Variants in SLC30A7 observed in about 807,000 individuals in gnomAD.
The protein encoded by SLC30A7 is solute carrier family 30 member 7.
Under a neutral mutation model 46.0 loss-of-function variants are expected in SLC30A7, and 35 were observed. The ratio of observed to expected loss-of-function variants is 0.76; its 90% CI spans 0.58 to 1.01. SLC30A7 has a LOEUF of 1.01. Among genes scored for constraint, SLC30A7 ranks in the 50% least tolerant of loss-of-function variants. SLC30A7 has a pLI of 0.00. For missense variants in SLC30A7, 464 were observed against 451.1 expected (o/e 1.03, Z -0.26); for synonymous variants, 147 against 157.8 (o/e 0.93, Z 0.51).
chr1:100,912,890 A>G (rs947305073), intron 5 of SLC30A7, among the ~76,000 whole-genome samples: 1 of 150,984 alleles, frequency 6.6e-6, no homozygotes, highest in Non-Finnish European at 1.5e-5. Flanking sequence ...AAAAAAAAAA[A>G]GTGTGTGTGT....
At chr1:100,970,819 AC>A (rs1370979478) in intron 10 of SLC30A7, among the ~76,000 whole-genome samples, 2 of 152,018 alleles carry the variant, frequency 1.3e-5, no homozygotes, top group African/African-American at 4.8e-5. Flanking sequence ...ATTTTAATAT[AC>A]CTTTTTTGTT....
the SLC30A7 span, among the ~76,000 whole-genome samples, chr1:100,994,018 A>C: frequency 6.6e-6 from 1 of 152,112 alleles, no homozygotes; most frequent in Non-Finnish European, 1.5e-5. Flanking sequence ...CTGGGATTAC[A>C]GGCATGAGCC....
chr1:100,935,836 A>C (rs1653931198), intron 8 of SLC30A7, among the ~76,000 whole-genome samples: 1 of 152,188 alleles, frequency 6.6e-6, no homozygotes, highest in African/African-American at 2.4e-5. Flanking sequence ...GGGGGACAAT[A>C]GAAGAGGGAT....
chr1:100,922,448 ATAGT>A (rs1345271375), intron 8 of SLC30A7, among the ~76,000 whole-genome samples: 3 of 152,192 alleles, frequency 2.0e-5, no homozygotes, highest in Non-Finnish European at 4.4e-5. Context: ...TATATTCACT[ATAGT>A]TAGTGTATTA....
At chr1:100,911,031 A>C in intron 3 of SLC30A7, 32 bp from the exon 4 acceptor site, 1 of 1,474,516 alleles carries the variant, frequency 6.8e-7, no homozygotes, top group Non-Finnish European at 9.4e-7. Flanking sequence ...AAATAACATA[A>C]TAATTCAGTT....
intron 2 of SLC30A7, among the ~76,000 whole-genome samples, 166 bp downstream of exon 2, chr1:100,896,837 A>G (rs1369644612): frequency 6.6e-6 from 1 of 152,130 alleles, no homozygotes; most frequent in Non-Finnish European, 1.5e-5. Context: ...TGGTAGGGCT[A>G]CAGTTCTTGA....
At chr1:100,933,579 A>G (rs1160288594) in intron 8 of SLC30A7, among the ~76,000 whole-genome samples, 1 of 151,548 alleles carries the variant, frequency 6.6e-6, no homozygotes. Context: ...CCCCCACTCT[A>G]CTACAGGCCC....
At chr1:100,963,654 C>G (rs972490004) in intron 9 of SLC30A7, among the ~76,000 whole-genome samples, 2 of 152,084 alleles carry the variant, frequency 1.3e-5, no homozygotes, top group Non-Finnish European at 2.9e-5. Context: ...CAGAACTTTC[C>G]CCAATAATGG....
intron 8 of SLC30A7, chr1:100,941,346 C>T: frequency 2.6e-6 from 1 of 389,782 alleles, no homozygotes; most frequent in Non-Finnish European, 5.0e-6. Flanking sequence ...CCACCAAAAC[C>T]ACCTCCACAA....
intron 8 of SLC30A7, among the ~76,000 whole-genome samples, chr1:100,945,232 A>G (rs1188938591): frequency 1.3e-5 from 2 of 152,160 alleles, no homozygotes; most frequent in Non-Finnish European, 2.9e-5. Flanking sequence ...CCCATTCTGT[A>G]GGTTGCCTGT....
intron 2 of SLC30A7, among the ~76,000 whole-genome samples, chr1:100,898,703 C>T (rs1227333008): frequency 6.6e-6 from 1 of 152,150 alleles, no homozygotes; most frequent in Non-Finnish European, 1.5e-5. Context: ...TTTATTTAGA[C>T]ACCAAAATTT....
intron 8 of SLC30A7, among the ~76,000 whole-genome samples, chr1:100,924,949 A>C (rs753034046): frequency 1.3e-5 from 2 of 152,266 alleles, no homozygotes; most frequent in Non-Finnish European, 2.9e-5. Flanking sequence ...AATCGTAGAT[A>C]AGATCTTCAC....
chr1:100,954,422 G>A (rs1338502852), intron 8 of SLC30A7, among the ~76,000 whole-genome samples: 2 of 152,130 alleles, frequency 1.3e-5, no homozygotes, highest in Non-Finnish European at 2.9e-5. Context: ...ATTTATGAAA[G>A]CATTTTAAAA....
chr1:100,960,947 G>GTTTT (rs11354218), intron 8 of SLC30A7, among the ~76,000 whole-genome samples: 16 of 86,306 alleles, frequency 1.9e-4, no homozygotes, highest in African/African-American at 4.3e-4. Context: ...TGTTTTGTGT[G>GTTTT]TTTTTTTTTT....
intron 3 of SLC30A7, among the ~76,000 whole-genome samples, chr1:100,910,407 A>C (rs1415370693): frequency 6.6e-6 from 1 of 152,174 alleles, no homozygotes; most frequent in Non-Finnish European, 1.5e-5. Context: ...ATGGAACAAA[A>C]GACAGGTATT....
intron 2 of SLC30A7, among the ~76,000 whole-genome samples, chr1:100,902,558 G>A (rs965460636): frequency 6.6e-6 from 1 of 152,190 alleles, no homozygotes; most frequent in Non-Finnish European, 1.5e-5. Flanking sequence ...TTGTCTCACA[G>A]TTCTGGAGAT....
At chr1:100,930,913 C>T (rs1187622783) in intron 8 of SLC30A7, among the ~76,000 whole-genome samples, 1 of 152,062 alleles carries the variant, frequency 6.6e-6, no homozygotes, top group Non-Finnish European at 1.5e-5. Flanking sequence ...TGGGAAAGAA[C>T]ACCCTAATAC....
At chr1:100,985,760 T>C (rs1657230086), downstream of SLC30A7, among the ~76,000 whole-genome samples, 1 of 152,104 alleles carries the variant, frequency 6.6e-6, no homozygotes, top group Non-Finnish European at 1.5e-5. Flanking sequence ...ATTGAGTCTG[T>C]TGAATTTGTG....
In SLC30A7 at chr1:100,974,620, T is replaced by G. The variant is rs143305590; in HGVS notation, c.1084-190T>G. Among the ~76,000 whole-genome samples, 1,364 of 152,230 alleles carry G rather than the reference T, an allele frequency of 9.0e-3. 16 individuals are homozygous for G. Among genetic ancestry groups the G allele is most frequent in the African/African-American group, 0.029 (1,224 of 41,536 alleles). On this transcript the variant is annotated intron_variant, in intron 10 of 10. Coordinates refer to ENST00000357650, the MANE Select transcript of SLC30A7 (RefSeq NM_133496.5). Reference sequence around the variant, plus strand: ...GTGACTGTTAACATGGCTCTTTTTTTTTTGTTTGTTTTTTTGTAGTGGTAA... The same window carrying G: ...GTGACTGTTAACATGGCTCTTTTTTGTTTGTTTGTTTTTTTGTAGTGGTAA...
Sources: gnomAD v4.1 joint callset for allele counts (sites outside exome capture counted in the v4.1 genomes callset) on GRCh38, gnomAD v4.1.1 for gene constraint, MANE v1.5 for transcripts, NCBI Gene and HGNC (gene_info 2026-07-23, HGNC 2026-07-21) for gene names.